TNNI3K: variants seen among roughly 807,000 people sequenced by gnomAD.
TNNI3K encodes the protein TNNI3 interacting kinase, also known as serine/threonine-protein kinase TNNI3K.
In TNNI3K, 140 loss-of-function variants were observed where a neutral mutation model predicts 114.5. The ratio of observed to expected loss-of-function variants is 1.22; its 90% CI spans 1.07 to 1.41. The LOEUF (loss-of-function observed/expected upper bound fraction) is 1.41, where lower values mean the gene tolerates loss of function less well. Ranked by LOEUF, TNNI3K falls within the 40% of genes most tolerant of loss-of-function variation. The pLI is 0.00. For missense variants in TNNI3K, 1,125 were observed against 1,007.6 expected (o/e 1.12, Z -1.58); for synonymous variants, 347 against 347.5 (o/e 1.00, Z 0.02).
chr1:74,460,868 C>G (rs1667426143), intron 20 of TNNI3K, among the ~76,000 whole-genome samples: 2 of 152,216 alleles, frequency 1.3e-5, no homozygotes. Flanking sequence ...TCATCTTAAA[C>G]TGATTTTCCA....
chr1:74,274,321 T>A lies in TNNI3K; in HGVS notation c.444+2613T>A, dbSNP rs183167061. ...GAGGAAGAGGAGGGGTAGGTTTTGCTGTCTCAGGGGAGGCAGAGATGAAAG... is the reference window on the plus strand; with the variant it reads ...GAGGAAGAGGAGGGGTAGGTTTTGCAGTCTCAGGGGAGGCAGAGATGAAAG... On this transcript the variant is annotated intron_variant, in intron 5 of 24. Transcript: ENST00000326637. Among the ~76,000 whole-genome samples the A allele has an allele frequency of 1.1e-4, 17 of 152,090 alleles. No homozygotes were observed. In the East Asian group the frequency reaches 3.3e-3, roughly 29 times the overall value.
rs980770569 is a variant in TNNI3K, at chr1:74,429,113, C to G, written c.1773-6967C>G. Among the ~76,000 whole-genome samples the G allele has an allele frequency of 3.3e-5, 5 of 152,072 alleles. No individual in the cohort carries two copies. In the East Asian group the frequency reaches 9.7e-4, roughly 30 times the overall value. On this transcript the variant is annotated intron_variant, in intron 17 of 24. Transcript: ENST00000326637. ...CCACATAATATACATGAATAAGGAG[C>G]TAATCTCCCTGAGCCCAAACGTACT...
intron 23 of TNNI3K, among the ~76,000 whole-genome samples, chr1:74,535,416 G>A (rs142989303): frequency 0.011 from 1,684 of 152,254 alleles, 40 homozygotes; most frequent in African/African-American, 0.039. Context: ...ATTGCAGTGA[G>A]CCGAGATTGC....
rs186977496 is a variant in TNNI3K at position 74,338,792 on chromosome 1, A to G, written c.682+2643A>G. ...CTTTATTTCGTAAAATGTAAGAAAC[A>G]TAGCTTGCATTGTTTTCTATACGCC... On this transcript the variant is annotated intron_variant, in intron 7 of 24. Coordinates refer to ENST00000326637, the MANE Select transcript of TNNI3K (RefSeq NM_015978.3). Among the ~76,000 whole-genome samples, 3 of 152,304 alleles carry G rather than the reference A, an allele frequency of 2.0e-5. No individual in the cohort carries two copies. The East Asian group carries it at 5.8e-4, about 29-fold the overall frequency.
chr1:74,430,414 T>C (rs1665838569), intron 17 of TNNI3K, among the ~76,000 whole-genome samples: 1 of 152,070 alleles, frequency 6.6e-6, no homozygotes, highest in African/African-American at 2.4e-5. Flanking sequence ...TCACTTTTGG[T>C]TAAAAGAAAT....
Position 74,336,116 on chromosome 1 carries a change from A to G in TNNI3K, c.649A>G (p.Lys217Glu), listed in dbSNP as rs1660449474. The change falls in exon 7 of 25, where the codon AAA becomes GAA. Residue 217 changes from lysine (K) to glutamate (E), a missense_variant. Physicochemically the swap from Lys to Glu is moderately conservative, Grantham distance 56. Coordinates refer to ENST00000326637, the MANE Select transcript of TNNI3K (RefSeq NM_015978.3). ...TGCAAAAGGATTCTTGAATATTGCA[A>G]AACTCTTGATGGAAGAAGGCAGCAA... Reference protein sequence around the residue: ...ASAKGFLNIAKLLMEEGSKAD... With the variant: ...ASAKGFLNIAELLMEEGSKAD... 3 of 1,603,982 alleles carry G rather than the reference A, an allele frequency of 1.9e-6. No individual in the cohort carries two copies. In the Admixed American group the frequency reaches 5.3e-5, roughly 28 times the overall value.
At chr1:74,404,505 A>G (rs1162500016) in intron 17 of TNNI3K, among the ~76,000 whole-genome samples, 3 of 152,146 alleles carry the variant, frequency 2.0e-5, no homozygotes, top group Non-Finnish European at 4.4e-5. Flanking sequence ...TAGTTCTCAC[A>G]CTTCAGCATA....
chr1:74,529,879 C>A (rs1335071665), intron 23 of TNNI3K, among the ~76,000 whole-genome samples: 1 of 152,148 alleles, frequency 6.6e-6, no homozygotes, highest in Non-Finnish European at 1.5e-5. Context: ...TGAACCAGGG[C>A]TTGTTCTTCA....
At chr1:74,344,569 A>C (rs1397515098) in intron 9 of TNNI3K, among the ~76,000 whole-genome samples, 1 of 152,140 alleles carries the variant, frequency 6.6e-6, no homozygotes, top group Non-Finnish European at 1.5e-5. Flanking sequence ...CCTGCAGGGG[A>C]CAGTTGGCAG....
intron 11 of TNNI3K, among the ~76,000 whole-genome samples, chr1:74,362,058 T>C (rs867450189): frequency 9.9e-5 from 15 of 152,166 alleles, no homozygotes; most frequent in African/African-American, 3.1e-4. Flanking sequence ...ATTTAAGTGA[T>C]GAGAAGATGT....
At chr1:74,275,839 T>C (rs1656650233) in intron 5 of TNNI3K, among the ~76,000 whole-genome samples, 1 of 152,086 alleles carries the variant, frequency 6.6e-6, no homozygotes, top group Admixed American at 6.6e-5. Context: ...GTTTACAATA[T>C]ATAACACACA....
intron 17 of TNNI3K, among the ~76,000 whole-genome samples, chr1:74,399,178 A>C (rs1664237195): frequency 6.7e-6 from 1 of 149,322 alleles, no homozygotes; most frequent in African/African-American, 2.5e-5. Flanking sequence ...AAAAAAAAAA[A>C]ACACCCAAAA....
Position 74,367,310 on chromosome 1 carries a change from T to C in TNNI3K, c.1232T>C (p.Leu411Ser). The C allele has an allele frequency of 6.2e-7, 1 of 1,612,230 alleles. No homozygotes were observed. The highest frequency in any genetic ancestry group is 8.5e-7 in the Non-Finnish European group (1 of 1,178,746). ...LKHYKRPQDE[L>S]PCNEYSQPGG... ...CATTATAAGAGACCACAAGATGAATTGCCCTGTAATGAATATTCTCAGCCT... is the reference window on the plus strand; with the variant it reads ...CATTATAAGAGACCACAAGATGAATCGCCCTGTAATGAATATTCTCAGCCT... Residue 411 changes from leucine to serine, a missense_variant, in exon 12 of 25, where the codon TTG becomes TCG. Transcript: ENST00000326637.
At chr1:74,241,267 T>C (rs904618383) in intron 2 of TNNI3K, among the ~76,000 whole-genome samples, 7 of 152,226 alleles carry the variant, frequency 4.6e-5, no homozygotes, top group Non-Finnish European at 1.0e-4. Context: ...TATAGCAGCA[T>C]GTTTTATAAT....
At chr1:74,383,906 A>C (rs1663334358) in intron 17 of TNNI3K, among the ~76,000 whole-genome samples, 1 of 152,128 alleles carries the variant, frequency 6.6e-6, no homozygotes, top group African/African-American at 2.4e-5. Flanking sequence ...TTAGCAAATC[A>C]TCAAGGTGAT....
chr1:74,238,556 G>T (rs1653998930), intron 2 of TNNI3K, among the ~76,000 whole-genome samples: 1 of 152,058 alleles, frequency 6.6e-6, no homozygotes, highest in East Asian at 1.9e-4. Flanking sequence ...TGAAGAGGAT[G>T]ATTTCAAAAT....
chr1:74,459,502 G>A (rs1279609109), intron 20 of TNNI3K, among the ~76,000 whole-genome samples: 2 of 152,072 alleles, frequency 1.3e-5, no homozygotes, highest in Admixed American at 6.5e-5. Flanking sequence ...AACATTCCAG[G>A]CAAAAGGAAT....
chr1:74,458,082 A>G (rs1667301246), intron 20 of TNNI3K, among the ~76,000 whole-genome samples: 3 of 152,168 alleles, frequency 2.0e-5, no homozygotes, highest in African/African-American at 7.2e-5. Context: ...GATGATGATA[A>G]TAGCAACAAC....
intron 3 of TNNI3K, among the ~76,000 whole-genome samples, chr1:74,250,154 A>T (rs1654839106): frequency 6.6e-6 from 1 of 152,182 alleles, no homozygotes; most frequent in Non-Finnish European, 1.5e-5. Flanking sequence ...AATGGAACAG[A>T]AATGTGTAAG....
Sources: gnomAD v4.1 joint callset for allele counts (sites outside exome capture counted in the v4.1 genomes callset) on GRCh38, gnomAD v4.1.1 for gene constraint, MANE v1.5 for transcripts, NCBI Gene and HGNC (gene_info 2026-07-23, HGNC 2026-07-21) for gene names.